Variants in NAALADL2 observed in about 807,000 individuals in gnomAD.
NAALADL2 encodes N-acetylated alpha-linked acidic dipeptidase like 2.
NAALADL2 carries 76 observed loss-of-function variants against 87.2 expected under a neutral mutation model. The ratio of observed to expected loss-of-function variants is 0.87; its 90% confidence interval spans 0.72 to 1.05. NAALADL2 has a LOEUF of 1.05. Among genes scored for constraint, NAALADL2 ranks in the 50% least tolerant of loss-of-function variants. NAALADL2 has a pLI of 0.00. For missense variants in NAALADL2, 1,089 were observed against 945.8 expected, an observed-to-expected ratio of 1.15 and a Z score of -1.99; for synonymous variants, 354 against 331.0, an observed-to-expected ratio of 1.07 and a Z score of -0.75.
chr3:174,468,436 A>C (rs570531202), intron 1 of NAALADL2, among the ~76,000 whole-genome samples: 1 of 140,084 alleles, frequency 7.1e-6, no homozygotes, highest in African/African-American at 2.7e-5. Flanking sequence ...GCTGGAGTGC[A>C]GTGGCAAGAT....
At chr3:175,432,237 A>G (rs1717880500) in intron 5 of NAALADL2, among the ~76,000 whole-genome samples, 1 of 151,990 alleles carries the variant, frequency 6.6e-6, no homozygotes, top group African/African-American at 2.4e-5. Flanking sequence ...GTAAAAATGG[A>G]ATGAGACAAT....
At chr3:174,941,709 G>C (rs1398284297) in intron 1 of NAALADL2, among the ~76,000 whole-genome samples, 5 of 152,166 alleles carry the variant, frequency 3.3e-5, no homozygotes, top group African/African-American at 9.6e-5. Flanking sequence ...ATTTAGGATA[G>C]TTAGGTCTTC....
rs540492551 is a variant in NAALADL2, at chr3:175,759,860, G to A, written c.2189+4442G>A. Among the ~76,000 whole-genome samples the A allele has an allele frequency of 2.0e-4, 30 of 152,266 alleles. 1 individual carries two copies. The highest frequency in any genetic ancestry group is 7.0e-4 in the African/African-American group (29 of 41,562). On this transcript the variant is annotated intron_variant, in intron 13 of 13. Coordinates refer to ENST00000454872, the MANE Select transcript of NAALADL2 (RefSeq NM_207015.3). ...TTAGTGGTTATGGAAAGGTAGGTAA[G>A]ATCAAGTTGTGGAGTCCCTTAAATG...
At chr3:174,733,861 T>TGA (rs1309881754) in intron 2 of NAALADL2, among the ~76,000 whole-genome samples, 1 of 152,150 alleles carries the variant, frequency 6.6e-6, no homozygotes, top group Non-Finnish European at 1.5e-5. Context: ...TCATGATGAA[T>TGA]GAGGGGTCTG....
At chr3:175,335,080 G>T (rs971888156) in intron 5 of NAALADL2, among the ~76,000 whole-genome samples, 4 of 152,146 alleles carry the variant, frequency 2.6e-5, no homozygotes, top group African/African-American at 9.7e-5. Context: ...TCTCTTGACA[G>T]GATGGGGCAT....
At position 174,701,247 on chromosome 3, in the gene NAALADL2, T is replaced by C. The variant is rs139516348; in HGVS notation, c.-114-36394T>C. Among the ~76,000 whole-genome samples the C allele has an allele frequency of 4.1e-3, 627 of 151,360 alleles. 4 individuals carry two copies. Among genetic ancestry groups the C allele is most frequent in the South Asian group, 9.8e-3 (47 of 4,820 alleles). On this transcript the variant is annotated intron_variant, in intron 2 of 3. Transcript: ENST00000434257. The stretch of plus-strand genomic sequence containing the variant: ...AATGCTTAAAATGTATTTATAAATA[T>C]CTTATAATTATTATATCAAATTATA...
At chr3:174,928,055 G>A (rs1736345547) in intron 1 of NAALADL2, among the ~76,000 whole-genome samples, 1 of 152,020 alleles carries the variant, frequency 6.6e-6, no homozygotes, top group Non-Finnish European at 1.5e-5. Context: ...ATAGGAAAAA[G>A]TGAATGTAAA....
intron 2 of NAALADL2, among the ~76,000 whole-genome samples, chr3:175,130,629 C>A (rs1727680396): frequency 6.6e-6 from 1 of 152,138 alleles, no homozygotes; most frequent in East Asian, 1.9e-4. Context: ...ATTCTTGGCA[C>A]CCTTATCAAA....
chr3:175,645,959 G>T (rs1006051621), intron 11 of NAALADL2, among the ~76,000 whole-genome samples: 2 of 152,104 alleles, frequency 1.3e-5, no homozygotes, highest in African/African-American at 2.4e-5. Flanking sequence ...TGGTTCAGTG[G>T]TCTGACAGTG....
intron 13 of NAALADL2, among the ~76,000 whole-genome samples, chr3:175,777,977 C>T (rs1314188179): frequency 6.6e-6 from 1 of 152,138 alleles, no homozygotes; most frequent in African/African-American, 2.4e-5. Flanking sequence ...ATACGTTTAG[C>T]ATAATGTTTT....
chr3:174,805,555 G>C (rs1719369906), intron 3 of NAALADL2, among the ~76,000 whole-genome samples: 1 of 152,084 alleles, frequency 6.6e-6, no homozygotes, highest in Non-Finnish European at 1.5e-5. Flanking sequence ...AAGATGTCAT[G>C]TTAACATTTC....
chr3:175,801,001 A>C (rs143759806), intron 13 of NAALADL2, among the ~76,000 whole-genome samples: 187 of 152,274 alleles, frequency 1.2e-3, no homozygotes, highest in African/African-American at 4.4e-3. Flanking sequence ...TAATCCCTAC[A>C]GAGTATGTGG....
intron 9 of NAALADL2, among the ~76,000 whole-genome samples, chr3:175,519,398 G>A (rs540974860): frequency 6.6e-6 from 1 of 152,134 alleles, no homozygotes; most frequent in Non-Finnish European, 1.5e-5. Context: ...TGCCACTGAG[G>A]CCTTCATTTT....
chr3:175,727,941 G>A (rs1425564090), intron 11 of NAALADL2, among the ~76,000 whole-genome samples: 2 of 152,134 alleles, frequency 1.3e-5, no homozygotes, highest in Non-Finnish European at 2.9e-5. Flanking sequence ...TGGGGCTGAG[G>A]GAACAGGTGT....
intron 3 of NAALADL2, among the ~76,000 whole-genome samples, chr3:174,844,071 G>A (rs79465360): frequency 0.089 from 13,486 of 152,114 alleles, 677 homozygotes; most frequent in Middle Eastern, 0.12. Flanking sequence ...TTTTGAGGTC[G>A]TATTTTAAAA....
intron 1 of NAALADL2, among the ~76,000 whole-genome samples, chr3:174,957,601 A>ATT (rs879377095): frequency 6.8e-6 from 1 of 146,500 alleles, no homozygotes; most frequent in African/African-American, 2.5e-5. Flanking sequence ...TGGTAGGAGA[A>ATT]TTTTTTTTTT....
intron 11 of NAALADL2, among the ~76,000 whole-genome samples, chr3:175,717,334 T>C (rs944894694): frequency 6.6e-6 from 1 of 152,152 alleles, no homozygotes; most frequent in African/African-American, 2.4e-5. Flanking sequence ...TTCTCTCAAT[T>C]TCCTCTAAGA....
At chr3:174,441,198 C>T (rs975918638) in intron 1 of NAALADL2, among the ~76,000 whole-genome samples, 2 of 151,916 alleles carry the variant, frequency 1.3e-5, no homozygotes, top group African/African-American at 4.8e-5. Context: ...GGGCGCCGAC[C>T]CGGCGTGAAG....
chr3:175,013,126 AT>A (rs1750208647), intron 1 of NAALADL2, among the ~76,000 whole-genome samples: 1 of 87,788 alleles, frequency 1.1e-5, no homozygotes, highest in African/African-American at 4.9e-5. Context: ...AAATATACAT[AT>A]TTATATATAA....
Sources: gnomAD v4.1 joint callset for allele counts (sites outside exome capture counted in the v4.1 genomes callset) on GRCh38, gnomAD v4.1.1 for gene constraint, MANE v1.5 for transcripts, NCBI Gene and HGNC (gene_info 2026-07-23, HGNC 2026-07-21) for gene names.